The following AGBL1 variants were observed in gnomAD, a reference collection of about 807,000 sequenced individuals.
AGBL1 encodes the protein cytosolic carboxypeptidase 4.
Under a neutral mutation model 118.9 loss-of-function variants are expected in AGBL1, and 130 were observed. The observed-to-expected ratio is 1.09, with a 90% CI of 0.95 to 1.26. The LOEUF is 1.26. Among genes scored for constraint, AGBL1 ranks in the 50% most tolerant of loss-of-function variants. The pLI, the probability that AGBL1 is intolerant of heterozygous loss-of-function variation, is 0.00. For synonymous variants in AGBL1, 555 were observed against 478.9 expected (o/e 1.16, Z -2.08); for missense variants, 1,584 against 1,298.1 (o/e 1.22, Z -3.38).
At chr15:86,219,945 CTTTTTTTT>C (rs68023928) in intron 5 of AGBL1, among the ~76,000 whole-genome samples, 27 of 85,780 alleles carry the variant, frequency 3.1e-4, no homozygotes, top group Admixed American at 6.4e-4. Flanking sequence ...AATGCTGCCT[CTTTTTTTT>C]TTTTTTTTTT....
intron 18 of AGBL1, among the ~76,000 whole-genome samples, chr15:86,398,370 G>A (rs1024844886): frequency 6.6e-6 from 1 of 152,084 alleles, no homozygotes; most frequent in African/African-American, 2.4e-5. Context: ...AAAGGATAAA[G>A]CCGCCCCTTG....
At chr15:86,832,707 G>A (rs1453539593) in intron 22 of AGBL1, among the ~76,000 whole-genome samples, 2 of 152,174 alleles carry the variant, frequency 1.3e-5, no homozygotes, top group Non-Finnish European at 2.9e-5. Flanking sequence ...TTCAACAAAG[G>A]TCTAGGAAGT....
At chr15:86,852,494 A>T (rs1392276714) in intron 22 of AGBL1, among the ~76,000 whole-genome samples, 4 of 151,540 alleles carry the variant, frequency 2.6e-5, no homozygotes, top group African/African-American at 9.7e-5. Flanking sequence ...CTATCTGGAA[A>T]CTCTATTCTG....
chr15:86,506,564 A>G (rs1352041979), intron 18 of AGBL1, among the ~76,000 whole-genome samples: 3 of 152,140 alleles, frequency 2.0e-5, no homozygotes, highest in Admixed American at 2.0e-4. Flanking sequence ...TTTCAACAAA[A>G]CAACCTTAAT....
chr15:87,016,242 T>A (rs1596743690), intron 24 of AGBL1, among the ~76,000 whole-genome samples: 1 of 118,220 alleles, frequency 8.5e-6, no homozygotes, highest in East Asian at 2.7e-4. Context: ...GAATTGGGAT[T>A]TTTAATAACT....
At chr15:86,629,175 T>C (rs1377249328) in intron 21 of AGBL1, among the ~76,000 whole-genome samples, 1 of 152,174 alleles carries the variant, frequency 6.6e-6, no homozygotes, top group East Asian at 1.9e-4. Flanking sequence ...ACCATTCTAC[T>C]TGGTTTCTAT....
intron 18 of AGBL1, among the ~76,000 whole-genome samples, chr15:86,411,159 A>G (rs1040348864): frequency 6.6e-6 from 1 of 151,474 alleles, no homozygotes; most frequent in African/African-American, 2.4e-5. Context: ...TCTTGCCTTC[A>G]GAAGCCAGCC....
At chr15:86,635,194 C>A (rs1328036661) in intron 21 of AGBL1, among the ~76,000 whole-genome samples, 1 of 150,856 alleles carries the variant, frequency 6.6e-6, no homozygotes, top group African/African-American at 2.4e-5. Flanking sequence ...CCCATAATTT[C>A]TTGTCTTGCC....
At chr15:86,448,611 G>A (rs571194941) in intron 18 of AGBL1, among the ~76,000 whole-genome samples, 55 of 152,310 alleles carry the variant, frequency 3.6e-4, no homozygotes, top group African/African-American at 1.2e-3. Context: ...TGTCTTAGAG[G>A]AAGGTGAATT....
At chr15:86,645,193 G>A (rs1019793536) in intron 21 of AGBL1, among the ~76,000 whole-genome samples, 23 of 152,274 alleles carry the variant, frequency 1.5e-4, no homozygotes, top group Middle Eastern at 3.4e-3. Context: ...CTTGATCTTA[G>A]ATGACAGGAT....
At chr15:86,779,659 T>G (rs547817713) in intron 22 of AGBL1, among the ~76,000 whole-genome samples, 1 of 152,254 alleles carries the variant, frequency 6.6e-6, no homozygotes, top group Non-Finnish European at 1.5e-5. Context: ...TGGAGAATTC[T>G]GATGATCCAC....
intron 16 of AGBL1, among the ~76,000 whole-genome samples, chr15:86,292,967 A>C (rs777167396): frequency 6.6e-6 from 1 of 152,226 alleles, no homozygotes; most frequent in Non-Finnish European, 1.5e-5. Flanking sequence ...TTTGGTTCTC[A>C]GTTTTAAGGA....
downstream of AGBL1, among the ~76,000 whole-genome samples, chr15:87,031,008 C>T (rs561553581): frequency 7.9e-5 from 12 of 152,092 alleles, no homozygotes; most frequent in Non-Finnish European, 2.9e-5. Context: ...TTGCTGTCAA[C>T]TGAAGGCAAA....
chr15:86,517,179 G>C (rs928636856), intron 18 of AGBL1, among the ~76,000 whole-genome samples: 12 of 152,208 alleles, frequency 7.9e-5, no homozygotes, highest in Non-Finnish European at 1.6e-4. Context: ...TCCTAAATAT[G>C]TGTTCTAGTT....
intron 23 of AGBL1, among the ~76,000 whole-genome samples, chr15:86,932,015 C>T (rs2080612553): frequency 6.6e-6 from 1 of 152,138 alleles, no homozygotes; most frequent in South Asian, 2.1e-4. Flanking sequence ...ATTGTGGAAT[C>T]ATAGAGTTAT....
intron 18 of AGBL1, among the ~76,000 whole-genome samples, chr15:86,460,965 T>C (rs1477984514): frequency 6.6e-6 from 1 of 152,196 alleles, no homozygotes; most frequent in Non-Finnish European, 1.5e-5. Context: ...GGCGGTTCAG[T>C]ACCCAAACAG....
chr15:86,181,151 CCTCTT>C (rs1361803369), intron 5 of AGBL1, among the ~76,000 whole-genome samples: 2 of 150,734 alleles, frequency 1.3e-5, no homozygotes, highest in African/African-American at 5.0e-5. Flanking sequence ...TTCACACACT[CCTCTT>C]CTGGGTATTC....
At chr15:86,449,921 A>G (rs1010733530) in intron 18 of AGBL1, among the ~76,000 whole-genome samples, 1 of 148,696 alleles carries the variant, frequency 6.7e-6, no homozygotes, top group African/African-American at 2.5e-5. Flanking sequence ...TGCAAATAAA[A>G]CCCCTTTCTC....
chr15:86,436,089 CTTTTT>C (rs35296563), intron 18 of AGBL1, among the ~76,000 whole-genome samples: 2 of 111,528 alleles, frequency 1.8e-5, no homozygotes, highest in African/African-American at 7.3e-5. Context: ...CCTTTCCTCT[CTTTTT>C]TTTTTTTTTT....
Sources: gnomAD v4.1 joint callset for allele counts (sites outside exome capture counted in the v4.1 genomes callset) on GRCh38, gnomAD v4.1.1 for gene constraint, MANE v1.5 for transcripts, NCBI Gene and HGNC (gene_info 2026-07-23, HGNC 2026-07-21) for gene names.